The following GLIS3 variants were observed in gnomAD, a reference collection of about 807,000 sequenced individuals.
The protein encoded by GLIS3 is zinc finger protein GLIS3.
Under a neutral mutation model 78.6 loss-of-function variants are expected in GLIS3, and 53 were observed. The ratio of observed to expected loss-of-function variants is 0.67; its 90% CI spans 0.54 to 0.85. The LOEUF is 0.85. Among genes scored for constraint, GLIS3 ranks in the 40% least tolerant of loss-of-function variants. The probability of loss-of-function intolerance (pLI) is 0.00; values close to 1 mark genes in which losing one functional copy is unlikely to be tolerated. For synonymous variants in GLIS3, 684 were observed against 509.9 expected, an observed-to-expected ratio of 1.34 and a Z score of -4.60; for missense variants, 1,703 against 1,231.1, an observed-to-expected ratio of 1.38 and a Z score of -5.74.
intron 4 of GLIS3, among the ~76,000 whole-genome samples, chr9:3,971,050 C>CGAAG (rs3061610): frequency 0.5 from 69,481 of 138,484 alleles, 16,617 homozygotes; most frequent in Non-Finnish European, 0.51. Flanking sequence ...AAGGAAGGAT[C>CGAAG]GAAGGAAGGA....
chr9:4,289,460 T>C (rs1191802011), intron 1 of GLIS3, among the ~76,000 whole-genome samples: 1 of 152,132 alleles, frequency 6.6e-6, no homozygotes, highest in Non-Finnish European at 1.5e-5. Flanking sequence ...CTATGGGCAA[T>C]ACTAACCATG....
chr9:4,006,737 TG>T (rs771051924), intron 4 of GLIS3, among the ~76,000 whole-genome samples: 44 of 152,222 alleles, frequency 2.9e-4, no homozygotes, highest in Non-Finnish European at 5.6e-4. Flanking sequence ...CAAGCTGGCT[TG>T]TTCTAAAACT....
intron 2 of GLIS3, among the ~76,000 whole-genome samples, chr9:4,222,404 G>T (rs909220745): frequency 6.6e-6 from 1 of 152,102 alleles, no homozygotes; most frequent in African/African-American, 2.4e-5. Flanking sequence ...TTCATCTTAG[G>T]ACCTAGAAAA....
the GLIS3 span, among the ~76,000 whole-genome samples, chr9:4,385,426 G>C: frequency 2.0e-5 from 3 of 152,320 alleles, no homozygotes; most frequent in African/African-American, 7.2e-5. Flanking sequence ...CACTGTGGGA[G>C]CCTGAGGCCG....
At chr9:4,005,044 G>A (rs1821431400) in intron 4 of GLIS3, among the ~76,000 whole-genome samples, 1 of 152,164 alleles carries the variant, frequency 6.6e-6, no homozygotes, top group Admixed American at 6.5e-5. Context: ...CCCCAGTGGT[G>A]AATTCTCCAT....
chr9:4,290,625 G>C (rs972181905), intron 1 of GLIS3, among the ~76,000 whole-genome samples: 1 of 152,130 alleles, frequency 6.6e-6, no homozygotes, highest in Non-Finnish European at 1.5e-5. Context: ...AGATAGAGCT[G>C]AATGTTCTTA....
At chr9:4,040,949 C>G (rs1824761600) in intron 4 of GLIS3, among the ~76,000 whole-genome samples, 1 of 152,188 alleles carries the variant, frequency 6.6e-6, no homozygotes, top group African/African-American at 2.4e-5. Context: ...CCACTCCAGA[C>G]CCAGGGAAGG....
rs556590109 is a variant in GLIS3, at chr9:4,343,090, G to C, written n.264+3991C>G. ...ATGGTGGCTCATGCCTACAATCCCA[G>C]CACTGTGGGAGGCCAAGGCAGGAGG... is the stretch of plus-strand genomic sequence containing the variant. On this transcript the variant is annotated intron_variant and non_coding_transcript_variant, in intron 2 of 4. Coordinates refer to the GLIS3 transcript ENST00000471664. Among the ~76,000 whole-genome samples, 7 of 152,300 alleles carry C rather than the reference G, an allele frequency of 4.6e-5. No individual in the cohort carries two copies. The South Asian group carries it at 1.5e-3, about 32-fold the overall frequency.
chr9:4,219,041 C>G (rs1026451115), intron 2 of GLIS3, among the ~76,000 whole-genome samples: 6 of 152,140 alleles, frequency 3.9e-5, no homozygotes. Flanking sequence ...AAGTAAGAGC[C>G]CAATGAATAA....
intron 2 of GLIS3, among the ~76,000 whole-genome samples, chr9:4,198,667 A>G (rs1030114596): frequency 6.6e-6 from 1 of 152,240 alleles, no homozygotes; most frequent in African/African-American, 2.4e-5. Context: ...AAATTTCCCC[A>G]ATCTTGCTAG....
intron 2 of GLIS3, among the ~76,000 whole-genome samples, chr9:4,231,233 C>G (rs1218399787): frequency 6.6e-6 from 1 of 152,086 alleles, no homozygotes; most frequent in Non-Finnish European, 1.5e-5. Context: ...GTACAGTCAA[C>G]TGAACTAGAA....
At chr9:4,270,517 G>C (rs1587243390) in intron 2 of GLIS3, among the ~76,000 whole-genome samples, 3 of 152,142 alleles carry the variant, frequency 2.0e-5, no homozygotes, top group Admixed American at 1.3e-4. Context: ...AGGCTCACAG[G>C]GTTGTTGACA....
chr9:4,127,454 T>G (rs1483855970), intron 2 of GLIS3, among the ~76,000 whole-genome samples: 1 of 152,218 alleles, frequency 6.6e-6, no homozygotes, highest in African/African-American at 2.4e-5. Context: ...TCCATCTTCT[T>G]GTGCCTTAAA....
intron 2 of GLIS3, among the ~76,000 whole-genome samples, chr9:4,219,555 A>G (rs2131325954): frequency 1.3e-5 from 2 of 152,286 alleles, no homozygotes; most frequent in South Asian, 4.1e-4. Context: ...AGCAATCTCA[A>G]ACGATCATTC....
chr9:4,373,672 T>G, the GLIS3 span, among the ~76,000 whole-genome samples: 2 of 140,900 alleles, frequency 1.4e-5, no homozygotes, highest in African/African-American at 2.8e-5. Context: ...TTTCTTTTCT[T>G]TTTTTTTTTT....
chr9:4,172,642 G>T (rs1295855965), intron 2 of GLIS3, among the ~76,000 whole-genome samples: 2 of 152,154 alleles, frequency 1.3e-5, no homozygotes, highest in African/African-American at 4.8e-5. Context: ...ATTAAATGAG[G>T]ATGTGTCATC....
chr9:3,975,065 G>A (rs1588359381), intron 4 of GLIS3: 1 of 152,154 alleles, frequency 6.6e-6, no homozygotes, highest in African/African-American at 2.4e-5. Context: ...TAGAATTTCT[G>A]GGGTTGCAAT....
intron 2 of GLIS3, among the ~76,000 whole-genome samples, chr9:4,229,609 G>C (rs989130222): frequency 6.6e-6 from 1 of 152,142 alleles, no homozygotes; most frequent in Non-Finnish European, 1.5e-5. Flanking sequence ...GATTTATTAA[G>C]ATGAAGAAAA....
At chr9:4,000,546 C>T (rs1821057239) in intron 4 of GLIS3, among the ~76,000 whole-genome samples, 1 of 151,696 alleles carries the variant, frequency 6.6e-6, no homozygotes, top group South Asian at 2.1e-4. Context: ...CATTTATCTA[C>T]CAGAGGGTAG....
Sources: allele counts gnomAD v4.1 joint callset (sites outside exome capture counted in the v4.1 genomes callset), GRCh38; gene constraint gnomAD v4.1.1; transcripts MANE v1.5; gene names NCBI Gene and HGNC (gene_info 2026-07-23, HGNC 2026-07-21).